PCDHAC1: variants seen among roughly 807,000 people sequenced by gnomAD.
PCDHAC1 encodes the protein protocadherin alpha-C1.
In PCDHAC1, 42 loss-of-function variants were observed where a neutral mutation model predicts 60.0. The ratio of observed to expected loss-of-function variants is 0.70; its 90% CI spans 0.55 to 0.90. PCDHAC1 has a LOEUF of 0.90. PCDHAC1 is among the 40% of genes least tolerant of loss of function. The pLI, the probability that PCDHAC1 is intolerant of heterozygous loss-of-function variation, is 0.00. For missense variants in PCDHAC1, 1,160 were observed against 1,222.3 expected, an observed-to-expected ratio of 0.95 and a Z score of 0.76; for synonymous variants, 468 against 499.3, an observed-to-expected ratio of 0.94 and a Z score of 0.84.
Position 140,926,614 on chromosome 5 carries a change from C to G in PCDHAC1, c.-279C>G. The G allele has an allele frequency of 2.6e-6, 1 of 377,760 alleles. No homozygotes were observed. Among genetic ancestry groups the G allele is most frequent in the Non-Finnish European group, 4.6e-6 (1 of 215,280 alleles). 23.4% of individuals were successfully genotyped at this position (377,760 alleles called of 1,614,324 possible). ...GGGCGGGCGGCCTCGTCTCTGCACC[C>G]CTAGGCGGCGCTGCGCTCCTCAACA... is the stretch of plus-strand genomic sequence containing the variant. On this transcript the variant is annotated 5_prime_UTR_variant, in exon 1 of 4. Transcript: ENST00000253807.
chr5:140,935,393 C>T (rs1213341467), intron 1 of PCDHAC1, among the ~76,000 whole-genome samples: 2 of 152,166 alleles, frequency 1.3e-5, no homozygotes, highest in Admixed American at 6.5e-5. Context: ...TGTTATCCCA[C>T]GGGACTCAAA....
chr5:141,009,705 G>A lies in PCDHAC1; in HGVS notation c.2660G>A (p.Gly887Asp), dbSNP rs1554262289. Reference sequence around the variant, plus strand: ...AGCTGGACCTTTAAATACGGACCAGGCAACCCCAAACAATCCGGTCCCGGT... The same window carrying A: ...AGCTGGACCTTTAAATACGGACCAGACAACCCCAAACAATCCGGTCCCGGT... ...SNSWTFKYGPGNPKQSGPGEL... is the reference protein window; with the variant it reads ...SNSWTFKYGPDNPKQSGPGEL... Residue 887 changes from glycine (G) to aspartate (D), a missense_variant, in exon 4 of 4, where the codon GGC (glycine) becomes GAC (aspartate). Physicochemically the swap from Gly to Asp is moderately conservative, Grantham distance 94 (BLOSUM62 -1). This residue lies in a region of PCDHAC1 where 1,113 missense variants were observed against 1,163.7 expected (regional missense o/e 0.96). Transcript: ENST00000253807. The A allele has an allele frequency of 6.2e-7, 1 of 1,614,106 alleles. No homozygotes were observed. Among genetic ancestry groups the A allele is most frequent in the Non-Finnish European group, 8.5e-7 (1 of 1,180,026 alleles).
chr5:140,938,928 T>G (rs1220764640), intron 1 of PCDHAC1, among the ~76,000 whole-genome samples: 2 of 152,104 alleles, frequency 1.3e-5, no homozygotes, highest in African/African-American at 4.8e-5. Flanking sequence ...AAATTGGCTT[T>G]TAACTTTCCA....
intron 1 of PCDHAC1, chr5:140,967,579 C>T: frequency 7.4e-6 from 12 of 1,614,154 alleles, no homozygotes; most frequent in Non-Finnish European, 9.3e-6. Context: ...AGGACTCACC[C>T]CCAGGCACAT....
In PCDHAC1 at chr5:140,929,013, G is replaced by A; in HGVS notation, c.2121G>A (p.Leu707=). 1 of 1,614,120 alleles carries A rather than the reference G, an allele frequency of 6.2e-7. No individual in the cohort carries two copies. The highest frequency in any genetic ancestry group is 1.1e-5 in the South Asian group (1 of 91,080). ...GCLLFFVCTK[L]HQSPGCCAQS... ...TACTTTTCTTCGTGTGTACCAAGTT[G>A]CACCAGAGCCCAGGCTGTTGCGCTC... is the stretch of plus-strand genomic sequence containing the variant. The change falls in exon 1 of 4, where the codon TTG becomes TTA. Residue 707 remains leucine, a synonymous_variant. Coordinates refer to ENST00000253807, the MANE Select transcript of PCDHAC1 (RefSeq NM_018898.5).
chr5:140,928,082 T>C lies in PCDHAC1; in HGVS notation c.1190T>C (p.Leu397Pro). Residue 397 changes from leucine to proline, a missense_variant, in exon 1 of 4, where the codon CTG becomes CCG. By Grantham distance (98) the Leu-to-Pro change is moderately conservative. Transcript: ENST00000253807. ...GCTTCCTTTGACAACTACTACAGCCTGCTGATTGATGGGCCCCTGGACCGG... is the reference window on the plus strand; with the variant it reads ...GCTTCCTTTGACAACTACTACAGCCCGCTGATTGATGGGCCCCTGGACCGG... ...LTASFDNYYS[L>P]LIDGPLDREQ... The C allele has an allele frequency of 1.2e-6, 2 of 1,614,212 alleles. No individual in the cohort carries two copies.
chr5:140,998,005 C>T (rs539275150), intron 3 of PCDHAC1, among the ~76,000 whole-genome samples: 300 of 152,282 alleles, frequency 2.0e-3, no homozygotes, highest in Non-Finnish European at 3.8e-3. Context: ...TCTGAGCCTT[C>T]CATCCCCACC....
Position 140,985,833 on chromosome 5 carries a change from G to A in PCDHAC1, c.2581+3270G>A, listed in dbSNP as rs1458914557. Among the ~76,000 whole-genome samples the A allele has an allele frequency of 2.8e-5, 4 of 143,674 alleles. No homozygotes were observed. In the East Asian group the frequency reaches 6.5e-4, roughly 23 times the overall value. The allele number at this position is 143,674 out of a possible 152,430, so 94.3% of individuals were successfully genotyped here. A position where few individuals can be genotyped will look rare whatever the true frequency, so the allele number is the denominator to read the frequency against. ...CAGCTCACAACAAGCTCTGCCTCCC[G>A]GGTTCATGCCACTCTCCTGCCTCAG... On this transcript the variant is annotated intron_variant, in intron 3 of 3. Coordinates refer to ENST00000253807, the MANE Select transcript of PCDHAC1 (RefSeq NM_018898.5).
chr5:140,961,192 A>G (rs1322057564), intron 1 of PCDHAC1, among the ~76,000 whole-genome samples: 1 of 152,170 alleles, frequency 6.6e-6, no homozygotes, highest in African/African-American at 2.4e-5. Flanking sequence ...ACAGGACCCT[A>G]GTGAGGTTGG....
At chr5:140,971,466 G>A (rs928383559) in intron 1 of PCDHAC1, among the ~76,000 whole-genome samples, 2 of 152,144 alleles carry the variant, frequency 1.3e-5, no homozygotes, top group Non-Finnish European at 2.9e-5. Flanking sequence ...GCAGTTATAG[G>A]GAGAGAGTGT....
chr5:141,001,943 A>G (rs1197227753), intron 3 of PCDHAC1, among the ~76,000 whole-genome samples: 1 of 147,256 alleles, frequency 6.8e-6, no homozygotes, highest in African/African-American at 2.7e-5. Flanking sequence ...GAGCGGAAAT[A>G]AGGAGGAGGG....
At position 140,928,478 on chromosome 5, in the gene PCDHAC1, A is replaced by T. The variant is rs1554205922; in HGVS notation, c.1586A>T (p.Asp529Val). Reference sequence around the variant, plus strand: ...TTTCATTTCCAAGTAGAAGGCCGGGATGGTGGCATTCCTCCCAGAAGTGCA... The same window carrying T: ...TTTCATTTCCAAGTAGAAGGCCGGGTTGGTGGCATTCCTCCCAGAAGTGCA... ...RGFHFQVEGRDGGIPPRSATV... is the reference protein window; with the variant it reads ...RGFHFQVEGRVGGIPPRSATV... The change falls in exon 1 of 4, where the codon GAT becomes GTT. Residue 529 changes from aspartate (D) to valine (V), a missense_variant. Around this residue, in one of 3 missense-constraint regions of PCDHAC1, gnomAD observed 1,113 missense variants for 1,163.7 expected, o/e 0.96. Coordinates refer to ENST00000253807, the MANE Select transcript of PCDHAC1 (RefSeq NM_018898.5). 2.5e-5 allele frequency: 40 copies of T among 1,614,132 alleles called. No individual in the cohort carries two copies. The highest frequency in any genetic ancestry group is 3.3e-5 in the Non-Finnish European group (39 of 1,180,008).
At position 141,010,070 on chromosome 5, in the gene PCDHAC1, C is replaced by A. The variant is rs1331011642; in HGVS notation, c.*133C>A. The A allele has an allele frequency of 3.7e-5, 60 of 1,605,422 alleles. No individual in the cohort carries two copies. Among genetic ancestry groups the A allele is most frequent in the Non-Finnish European group, 5.0e-5 (59 of 1,175,768 alleles). ...AGACCTCAGAAATCTGCAGAAAGTT[C>A]CCTGTGTCTGTCTAGAACGCATTTA... is the stretch of plus-strand genomic sequence containing the variant. On this transcript the variant is annotated 3_prime_UTR_variant, in exon 4 of 4. Coordinates refer to ENST00000253807, the MANE Select transcript of PCDHAC1 (RefSeq NM_018898.5).
chr5:140,967,528 T>C, intron 1 of PCDHAC1: 3 of 1,613,146 alleles, frequency 1.9e-6, no homozygotes, highest in Non-Finnish European at 2.5e-6. Context: ...ACGACAACTC[T>C]CCTGCCTTTG....
intron 1 of PCDHAC1, among the ~76,000 whole-genome samples, chr5:140,940,219 T>C (rs1554213221): frequency 6.6e-6 from 1 of 152,180 alleles, no homozygotes; most frequent in Non-Finnish European, 1.5e-5. Context: ...TTGGCATTTA[T>C]TTCATTTTGG....
chr5:140,996,311 G>C lies in PCDHAC1; in HGVS notation c.2582-13316G>C, dbSNP rs191577867. On this transcript the variant is annotated intron_variant, in intron 3 of 3. Coordinates refer to ENST00000253807, the MANE Select transcript of PCDHAC1 (RefSeq NM_018898.5). ...GAAGCACAGATTGTAACAAAGTAAG[G>C]GGGGAGGGTAGAGAAGAAAAGTTTG... is the stretch of plus-strand genomic sequence containing the variant. 9.0e-4 allele frequency among the ~76,000 whole-genome samples: 137 copies of C among 152,302 alleles called. 1 individual carries two copies. The highest frequency in any genetic ancestry group is 2.8e-3 in the African/African-American group (118 of 41,574).
intron 1 of PCDHAC1, chr5:140,968,932 A>C: frequency 6.2e-7 from 1 of 1,614,164 alleles, no homozygotes; most frequent in Non-Finnish European, 8.5e-7. Context: ...TTCTTTTGAC[A>C]ATCATCATTT....
rs1554214039 is a variant in PCDHAC1 at position 140,941,214 on chromosome 5, C to CTTTCTTTCTTTCTTTCTTTCTTTCTTT, written c.2433+11889_2433+11890insTTTCTTTCTTTCTTTCTTTCTTTCTTT. ...TTTTTTCTTTCTTCCTTTCTTTCTTCCTTTCTTTCTTTCTTTCTTTCTTTC... is the reference window on the plus strand; with the variant it reads ...TTTTTTCTTTCTTCCTTTCTTTCTTCTTTCTTTCTTTCTTTCTTTCTTTCTTTCTTTCTTTCTTTCTTTCTTTCTTTC... On this transcript the variant is annotated intron_variant, in intron 1 of 3. Coordinates refer to ENST00000253807, the MANE Select transcript of PCDHAC1 (RefSeq NM_018898.5). Among the ~76,000 whole-genome samples the CTTTCTTTCTTTCTTTCTTTCTTTCTTT allele has an allele frequency of 4.7e-4, 57 of 122,484 alleles. 1 individual carries two copies. The highest frequency in any genetic ancestry group is 1.6e-3 in the East Asian group (7 of 4,322). The allele number at this position is 122,484 out of a possible 152,430, so 80.4% of individuals were successfully genotyped here.
At chr5:140,983,720 T>G (rs1563510266) in intron 3 of PCDHAC1, among the ~76,000 whole-genome samples, 1 of 152,228 alleles carries the variant, frequency 6.6e-6, no homozygotes, top group Non-Finnish European at 1.5e-5. Context: ...AGCACTTATA[T>G]TCATAACATG....
Sources: gnomAD v4.1 joint callset for allele counts (sites outside exome capture counted in the v4.1 genomes callset) on GRCh38, gnomAD v4.1.1 for gene constraint, gnomAD v4.1.1 regional missense constraint, MANE v1.5 for transcripts, NCBI Gene and HGNC (gene_info 2026-07-23, HGNC 2026-07-21) for gene names.